The following SPMIP2 variants were observed in gnomAD, a reference collection of about 807,000 sequenced individuals.
SPMIP2 encodes sperm microtubule inner protein 2, also known as protein SPMIP2.
At chr4:158,912,776 G>A in the SPMIP2 span, among the ~76,000 whole-genome samples, 1 of 152,202 alleles carries the variant, frequency 6.6e-6, no homozygotes, top group African/African-American at 2.4e-5. Flanking sequence ...AGTATCTAAA[G>A]TAACTCTGGA....
chr4:158,963,020 TAAACA>T, the SPMIP2 span, among the ~76,000 whole-genome samples: 2 of 152,238 alleles, frequency 1.3e-5, no homozygotes, highest in African/African-American at 4.8e-5. Context: ...GCAAATAGTC[TAAACA>T]TTGGGTTCTG....
At chr4:158,949,399 TAAC>T in the SPMIP2 span, among the ~76,000 whole-genome samples, 1 of 152,236 alleles carries the variant, frequency 6.6e-6, no homozygotes, top group Non-Finnish European at 1.5e-5. Flanking sequence ...TCTGTATATT[TAAC>T]AACACTATCT....
At chr4:158,937,618 T>C in the SPMIP2 span, 4 of 154,498 alleles carry the variant, frequency 2.6e-5, no homozygotes, top group East Asian at 3.9e-4. Context: ...TTAGCAGCCT[T>C]AAGGATCCAG....
chr4:158,932,325 G>A, the SPMIP2 span, among the ~76,000 whole-genome samples: 1 of 152,060 alleles, frequency 6.6e-6, no homozygotes. Context: ...AGTTAGCCAG[G>A]CATAGAGGTG....
chr4:158,979,947 A>C, the SPMIP2 span, among the ~76,000 whole-genome samples: 1 of 152,094 alleles, frequency 6.6e-6, no homozygotes, highest in South Asian at 2.1e-4. Context: ...GCTAAGATCC[A>C]CTGGTTTGAA....
At chr4:158,998,581 A>G in the SPMIP2 span, among the ~76,000 whole-genome samples, 1 of 152,198 alleles carries the variant, frequency 6.6e-6, no homozygotes, top group African/African-American at 2.4e-5. Flanking sequence ...TCTTATTATT[A>G]GAGTTGTATA....
At chr4:158,966,713 A>G in the SPMIP2 span, among the ~76,000 whole-genome samples, 1 of 152,368 alleles carries the variant, frequency 6.6e-6, no homozygotes, top group South Asian at 2.1e-4. Flanking sequence ...ACAAGAGTTC[A>G]TAACTACCAC....
At chr4:158,975,814 G>GT in the SPMIP2 span, among the ~76,000 whole-genome samples, 1,895 of 152,196 alleles carry the variant, frequency 0.012, 67 homozygotes, top group East Asian at 0.097. Flanking sequence ...ATTTAAAGTA[G>GT]TTTTTTTCTA....
At chr4:158,975,757 CTTA>C in the SPMIP2 span, among the ~76,000 whole-genome samples, 1 of 152,086 alleles carries the variant, frequency 6.6e-6, no homozygotes, top group African/African-American at 2.4e-5. Flanking sequence ...GTTCTTTTTG[CTTA>C]GGATGGTCTT....
the SPMIP2 span, among the ~76,000 whole-genome samples, chr4:159,044,052 T>A: frequency 6.6e-6 from 1 of 152,218 alleles, no homozygotes; most frequent in Non-Finnish European, 1.5e-5. Flanking sequence ...AATTTTCGTT[T>A]TTTAGCAAAT....
chr4:158,992,521 C>T, the SPMIP2 span, among the ~76,000 whole-genome samples: 2 of 151,582 alleles, frequency 1.3e-5, no homozygotes, highest in African/African-American at 2.4e-5. Flanking sequence ...GTTCTGTGGA[C>T]TGCAGTAAGC....
chr4:159,079,554 C>A, the SPMIP2 span, among the ~76,000 whole-genome samples: 1 of 152,304 alleles, frequency 6.6e-6, no homozygotes, highest in East Asian at 1.9e-4. Context: ...GATTTCTGTT[C>A]AAGAAGTCTT....
chr4:159,001,726 T>G, the SPMIP2 span, among the ~76,000 whole-genome samples: 2 of 152,228 alleles, frequency 1.3e-5, no homozygotes, highest in African/African-American at 4.8e-5. Context: ...TGTACCATGT[T>G]TTCTTTATTC....
chr4:158,953,362 C>A, the SPMIP2 span, among the ~76,000 whole-genome samples: 37 of 152,228 alleles, frequency 2.4e-4, no homozygotes, highest in Admixed American at 6.5e-5. Context: ...GCCTTGGCAG[C>A]TTCCACGTGG....
At chr4:158,928,815 C>T in the SPMIP2 span, among the ~76,000 whole-genome samples, 1 of 152,054 alleles carries the variant, frequency 6.6e-6, no homozygotes, top group Non-Finnish European at 1.5e-5. Flanking sequence ...ACCACGAGCC[C>T]ACCGGGAGGA....
the SPMIP2 span, among the ~76,000 whole-genome samples, chr4:158,924,578 C>T: frequency 2.0e-4 from 31 of 152,230 alleles, 1 homozygote; most frequent in South Asian, 6.4e-3. Context: ...GACATGGTTT[C>T]ACCATGTTGG....
At chr4:159,010,990 C>T in the SPMIP2 span, among the ~76,000 whole-genome samples, 1 of 152,072 alleles carries the variant, frequency 6.6e-6, no homozygotes, top group East Asian at 1.9e-4. Context: ...TTTATATGTT[C>T]AGCAAACATA....
the SPMIP2 span, among the ~76,000 whole-genome samples, chr4:158,946,466 C>G: frequency 3.9e-5 from 6 of 152,140 alleles, no homozygotes; most frequent in Admixed American, 3.9e-4. Flanking sequence ...TTCCCCCATG[C>G]TATTCTTGTG....
the SPMIP2 span, among the ~76,000 whole-genome samples, chr4:158,943,256 T>A: frequency 6.6e-6 from 1 of 152,248 alleles, no homozygotes; most frequent in Non-Finnish European, 1.5e-5. Context: ...TTTTATTACA[T>A]GCTATGAGGT....
Sources: allele counts gnomAD v4.1 joint callset (sites outside exome capture counted in the v4.1 genomes callset), GRCh38; gene constraint gnomAD v4.1.1; transcripts MANE v1.5; gene names NCBI Gene and HGNC (gene_info 2026-07-23, HGNC 2026-07-21).